Variants in DPYSL3 observed in about 807,000 individuals in gnomAD.
The protein encoded by DPYSL3 is dihydropyrimidinase like 3, also known as dihydropyrimidinase-related protein 3.
A neutral mutation model predicts 66.1 loss-of-function variants in DPYSL3; 16 were observed. That is an observed-to-expected ratio of 0.24 (90% CI 0.16 to 0.37). The LOEUF is 0.37. Among genes scored for constraint, DPYSL3 ranks in the 10% least tolerant of loss-of-function variants. DPYSL3 has a pLI of 1.00. For missense variants in DPYSL3, 738 were observed against 916.2 expected, an observed-to-expected ratio of 0.81 and a Z score of 2.51; for synonymous variants, 338 against 345.1, an observed-to-expected ratio of 0.98 and a Z score of 0.23.
intron 1 of DPYSL3, among the ~76,000 whole-genome samples, chr5:147,487,273 A>C (rs1012907732): frequency 6.6e-6 from 1 of 152,072 alleles, no homozygotes; most frequent in Non-Finnish European, 1.5e-5. Context: ...CCATTTCATA[A>C]ATTTGCATTC....
intron 1 of DPYSL3, chr5:147,473,148 G>A (rs924522174): frequency 6.6e-6 from 1 of 152,114 alleles, no homozygotes; most frequent in Non-Finnish European, 1.5e-5. Flanking sequence ...CATGAAGCAG[G>A]GCACTTAAAG....
chr5:147,399,322 A>G, intron 10 of DPYSL3, 70 bp from the exon 11 acceptor site: 13 of 1,498,896 alleles, frequency 8.7e-6, no homozygotes, highest in Non-Finnish European at 1.2e-5. Context: ...TTCTGAACTC[A>G]GAGAAAGACA....
At chr5:147,504,069 T>A (rs1753651945) in intron 1 of DPYSL3, among the ~76,000 whole-genome samples, 1 of 152,222 alleles carries the variant, frequency 6.6e-6, no homozygotes, top group African/African-American at 2.4e-5. Context: ...GATTGCATCC[T>A]CCTCAGACAG....
At position 147,509,121 on chromosome 5, in the gene DPYSL3, C is replaced by T. The variant is rs139493669; in HGVS notation, c.381+357G>A. Among the ~76,000 whole-genome samples, 67 of 152,296 alleles carry T rather than the reference C, an allele frequency of 4.4e-4. No homozygotes were observed. Among genetic ancestry groups the T allele is most frequent in the African/African-American group, 1.6e-3 (66 of 41,564 alleles). ...GCCAGAGGGGGGCAAGACAATTGTG[C>T]TGTTGGCTACTAGAGAGAAGAGCTG... On this transcript the variant is annotated intron_variant, in intron 1 of 13. Coordinates refer to ENST00000343218, the MANE Select transcript of DPYSL3 (RefSeq NM_001197294.2). The surrounding 1 kb of genome is among the most constrained non-coding windows in gnomAD (Gnocchi z 5.3).
chr5:147,494,810 C>G (rs897505864), intron 1 of DPYSL3, among the ~76,000 whole-genome samples: 10 of 150,376 alleles, frequency 6.7e-5, no homozygotes, highest in African/African-American at 2.4e-4. Flanking sequence ...ACCCGGGAGG[C>G]AGAGCTTGCA....
At chr5:147,400,599 G>T (rs549135062) in intron 10 of DPYSL3, 93 bp downstream of exon 10, 3 of 1,500,422 alleles carry the variant, frequency 2.0e-6, no homozygotes, top group East Asian at 2.3e-5. Flanking sequence ...ATCTGCACTC[G>T]CAGTGTCACC....
chr5:147,453,417 C>T, intron 1 of DPYSL3: 2 of 1,334,290 alleles, frequency 1.5e-6, no homozygotes, highest in Non-Finnish European at 9.7e-7. Flanking sequence ...CGCTCCGCCA[C>T]CCGGACCCCG....
rs1309827674 is a variant in DPYSL3, at chr5:147,392,777, C to T, written c.*1258G>A. 6.6e-6 allele frequency: 1 copy of T among 152,166 alleles called. No individual in the cohort carries two copies. The highest frequency in any genetic ancestry group is 6.5e-5 in the Admixed American group (1 of 15,270). 9.4% of individuals were successfully genotyped at this position (152,166 alleles called of 1,614,324 possible). On this transcript the variant is annotated 3_prime_UTR_variant, in exon 14 of 14. Coordinates refer to ENST00000343218, the MANE Select transcript of DPYSL3 (RefSeq NM_001197294.2). Reference sequence around the variant, plus strand: ...TTCTAGGACTGAGACACAAAGTTCCCCCAGAGTTTCTGCTAATGGAAGGGG... The same window carrying T: ...TTCTAGGACTGAGACACAAAGTTCCTCCAGAGTTTCTGCTAATGGAAGGGG...
rs1753477305 is a variant in DPYSL3 at position 147,494,929 on chromosome 5, G to C, written c.381+14549C>G. 4.1e-5 allele frequency among the ~76,000 whole-genome samples: 6 copies of C among 147,880 alleles called. No individual in the cohort carries two copies. In the Admixed American group the frequency reaches 4.1e-4, roughly 10 times the overall value. On this transcript the variant is annotated intron_variant, in intron 1 of 13. Coordinates refer to ENST00000343218, the MANE Select transcript of DPYSL3 (RefSeq NM_001197294.2). Reference sequence around the variant, plus strand: ...TAATAATAGAATATTACAAACAACTGTATACCCATAGATTTGATAAACTAG... The same window carrying C: ...TAATAATAGAATATTACAAACAACTCTATACCCATAGATTTGATAAACTAG...
intron 1 of DPYSL3, among the ~76,000 whole-genome samples, chr5:147,482,959 A>G (rs990561689): frequency 2.6e-5 from 4 of 152,160 alleles, no homozygotes; most frequent in African/African-American, 9.7e-5. Context: ...AAACCATCAG[A>G]TCTCGTGAGA....
Position 147,454,539 on chromosome 5 carries a change from G to A in DPYSL3, c.382-29576C>T, listed in dbSNP as rs189884327. 7.7e-4 allele frequency among the ~76,000 whole-genome samples: 117 copies of A among 152,336 alleles called. 1 individual carries two copies. Among genetic ancestry groups the A allele is most frequent in the African/African-American group, 2.7e-3 (114 of 41,578 alleles). On this transcript the variant is annotated intron_variant, in intron 1 of 13. Transcript: ENST00000343218. ...GTTAAAGAAACTCCACTGCCTGACT[G>A]AGTCTCAGAATCAAAGAAAGAACAT...
intron 7 of DPYSL3, among the ~76,000 whole-genome samples, chr5:147,407,012 G>C (rs1325724105): frequency 6.6e-6 from 1 of 152,172 alleles, no homozygotes; most frequent in African/African-American, 2.4e-5. Flanking sequence ...GAAGCACCCA[G>C]AATTTTGTAC....
chr5:147,407,616 C>T (rs1361131213), intron 7 of DPYSL3, among the ~76,000 whole-genome samples: 2 of 152,150 alleles, frequency 1.3e-5, no homozygotes, highest in African/African-American at 4.8e-5. Flanking sequence ...TTTACCTGCG[C>T]AACAATGCCA....
chr5:147,473,925 A>T (rs192948455), intron 1 of DPYSL3, among the ~76,000 whole-genome samples: 104 of 152,270 alleles, frequency 6.8e-4, no homozygotes, highest in Middle Eastern at 3.4e-3. Context: ...CAAGTATCTT[A>T]ATACTGTAAC....
intron 2 of DPYSL3, among the ~76,000 whole-genome samples, chr5:147,419,666 G>C (rs74354533): frequency 6.6e-6 from 1 of 152,044 alleles, no homozygotes; most frequent in African/African-American, 2.4e-5. Flanking sequence ...TTTTATCCAC[G>C]GACAGCCAAG....
chr5:147,406,783 T>C (rs1758333680), intron 7 of DPYSL3, among the ~76,000 whole-genome samples: 1 of 152,110 alleles, frequency 6.6e-6, no homozygotes, highest in African/African-American at 2.4e-5. Context: ...GACATTCTGG[T>C]TAGCCTGTGG....
chr5:147,445,596 C>A (rs1314672100), intron 1 of DPYSL3, among the ~76,000 whole-genome samples: 3 of 152,150 alleles, frequency 2.0e-5, no homozygotes, highest in Non-Finnish European at 4.4e-5. Flanking sequence ...ATCCTCATGG[C>A]ATGTACATGG....
intron 10 of DPYSL3, 69 bp from the exon 11 acceptor site, chr5:147,399,321 CAGAG>C: frequency 2.0e-6 from 3 of 1,491,828 alleles, no homozygotes; most frequent in Non-Finnish European, 2.7e-6. Context: ...CTTCTGAACT[CAGAG>C]AAAGACAACC....
At chr5:147,396,418 A>G (rs1159318476) in intron 12 of DPYSL3, among the ~76,000 whole-genome samples, 1 of 152,218 alleles carries the variant, frequency 6.6e-6, no homozygotes, top group Non-Finnish European at 1.5e-5. Flanking sequence ...TCAACTGGAC[A>G]AACACTGCAA....
Sources: allele counts gnomAD v4.1 joint callset (sites outside exome capture counted in the v4.1 genomes callset), GRCh38; gene constraint gnomAD v4.1.1; non-coding constraint Gnocchi (gnomAD v3.1); transcripts MANE v1.5; gene names NCBI Gene and HGNC (gene_info 2026-07-23, HGNC 2026-07-21).